The following SPATS2L variants were observed in gnomAD, a reference collection of about 807,000 sequenced individuals.
SPATS2L encodes the protein SPATS2-like protein.
Under a neutral mutation model 59.6 loss-of-function variants are expected in SPATS2L, and 30 were observed. That is an observed-to-expected ratio of 0.50 (90% CI 0.38 to 0.68). SPATS2L has a LOEUF of 0.68. Among genes scored for constraint, SPATS2L ranks in the 30% least tolerant of loss-of-function variants. The pLI, the probability that SPATS2L is intolerant of heterozygous loss-of-function variation, is 0.00. For missense variants in SPATS2L, 615 were observed against 700.0 expected (o/e 0.88, Z 1.37); for synonymous variants, 252 against 263.5 (o/e 0.96, Z 0.42).
intron 10 of SPATS2L, among the ~76,000 whole-genome samples, chr2:200,468,378 A>ACACACACACACACACACG (rs1187268085): frequency 6.6e-6 from 1 of 151,280 alleles, no homozygotes; most frequent in Non-Finnish European, 1.5e-5. Context: ...ACACACACAC[A>ACACACACACACACACACG]CGCCTTCCAG....
chr2:200,388,467 G>A (rs1362094321), intron 2 of SPATS2L, among the ~76,000 whole-genome samples: 1 of 152,108 alleles, frequency 6.6e-6, no homozygotes, highest in Non-Finnish European at 1.5e-5. Flanking sequence ...ACCTACTTGG[G>A]AGGCTGAGGT....
Position 200,407,363 on chromosome 2 carries a change from C to A in SPATS2L, c.40-4948C>A, listed in dbSNP as rs546875755. Among the ~76,000 whole-genome samples, 3 of 152,316 alleles carry A rather than the reference C, an allele frequency of 2.0e-5. No homozygotes were observed. The South Asian group carries it at 6.2e-4, about 32-fold the overall frequency. On this transcript the variant is annotated intron_variant, in intron 3 of 12. Transcript: ENST00000409140. ...GACATTTGGCTCTCTATAAAGTACT[C>A]ACCCTTACTCAGCAAAGTTAATTCC...
intron 2 of SPATS2L, chr2:200,351,373 T>C (rs1305454520): frequency 1.3e-5 from 6 of 455,386 alleles, no homozygotes; most frequent in Admixed American, 2.5e-5. Flanking sequence ...ACTATAGTAA[T>C]ATATTTGCAG....
chr2:200,396,033 AATATAT>A (rs1553520465), intron 3 of SPATS2L, among the ~76,000 whole-genome samples: 8 of 21,136 alleles, frequency 3.8e-4, no homozygotes, highest in East Asian at 4.0e-3. Flanking sequence ...AAAAAAAAAA[AATATAT>A]ATATATATAT....
chr2:200,330,086 T>G (rs2079884379), intron 2 of SPATS2L, among the ~76,000 whole-genome samples: 3 of 150,370 alleles, frequency 2.0e-5, no homozygotes, highest in African/African-American at 4.9e-5. Flanking sequence ...CACTTACTTT[T>G]CTGAGCCTTG....
intron 3 of SPATS2L, among the ~76,000 whole-genome samples, chr2:200,393,546 G>A (rs1166724023): frequency 6.6e-6 from 1 of 152,210 alleles, no homozygotes; most frequent in Non-Finnish European, 1.5e-5. Flanking sequence ...TGGAAGTAGT[G>A]CTTCTCTAAC....
intron 11 of SPATS2L, among the ~76,000 whole-genome samples, chr2:200,471,318 A>G (rs771843348): frequency 4.6e-5 from 7 of 152,080 alleles, no homozygotes; most frequent in Non-Finnish European, 1.0e-4. Context: ...GCCATTCTCT[A>G]TCCCCAGCTT....
chr2:200,356,452 A>AAAC (rs1255458649), intron 2 of SPATS2L, among the ~76,000 whole-genome samples: 1 of 152,228 alleles, frequency 6.6e-6, no homozygotes, highest in Non-Finnish European at 1.5e-5. Flanking sequence ...TCCAAGAAAA[A>AAAC]AACATGTGTT....
At chr2:200,338,008 T>C (rs1005667862) in intron 2 of SPATS2L, among the ~76,000 whole-genome samples, 4 of 152,176 alleles carry the variant, frequency 2.6e-5, no homozygotes, top group African/African-American at 9.6e-5. Flanking sequence ...GAACCAGATA[T>C]ACTCTGAAAC....
chr2:200,458,449 C>A (rs1220638795), intron 8 of SPATS2L, among the ~76,000 whole-genome samples: 1 of 151,920 alleles, frequency 6.6e-6, no homozygotes, highest in African/African-American at 2.4e-5. Context: ...ATCAAGTGTT[C>A]CTCCTAAGAA....
At chr2:200,374,762 A>G (rs296780) in intron 2 of SPATS2L, among the ~76,000 whole-genome samples, 32,658 of 152,156 alleles carry the variant, frequency 0.21, 6,571 homozygotes, top group African/African-American at 0.54. Context: ...AGATGGACCT[A>G]TTTCACCAAA....
At chr2:200,385,570 G>A (rs1161620480) in intron 2 of SPATS2L, among the ~76,000 whole-genome samples, 1 of 152,150 alleles carries the variant, frequency 6.6e-6, no homozygotes, top group Non-Finnish European at 1.5e-5. Flanking sequence ...GTGCTGATTG[G>A]AGGGTGCAGA....
intron 8 of SPATS2L, among the ~76,000 whole-genome samples, chr2:200,456,780 A>T (rs1210131362): frequency 6.6e-6 from 1 of 152,108 alleles, no homozygotes; most frequent in African/African-American, 2.4e-5. Context: ...CTTGTGTCAC[A>T]TGCAGCAGTA....
chr2:200,328,501 A>G (rs1425032121), intron 1 of SPATS2L, among the ~76,000 whole-genome samples: 1 of 152,190 alleles, frequency 6.6e-6, no homozygotes, highest in Non-Finnish European at 1.5e-5. Flanking sequence ...AAGCCCAGAG[A>G]GGTCAGCTGG....
At chr2:200,327,689 A>G (rs758366850) in intron 1 of SPATS2L, among the ~76,000 whole-genome samples, 5 of 152,244 alleles carry the variant, frequency 3.3e-5, no homozygotes, top group African/African-American at 4.8e-5. Context: ...TGTGAAAAGC[A>G]TATTTTAAAA....
rs993935003 is a variant in SPATS2L at position 200,479,870 on chromosome 2, C to T, written c.*1839C>T. On this transcript the variant is annotated 3_prime_UTR_variant, in exon 13 of 13. Coordinates refer to ENST00000409140, the MANE Select transcript of SPATS2L (RefSeq NM_001100423.2). ...CTCTGTAGAGAGCTTTCTGAGGTCT[C>T]TGGGTGTACCCAGAGATTTAATAGA... 2.3e-5 allele frequency: 9 copies of T among 397,648 alleles called. No homozygotes were observed. In the Admixed American group the frequency reaches 2.6e-4, roughly 12 times the overall value. 24.6% of individuals were successfully genotyped at this position (397,648 alleles called of 1,614,324 possible). A position where few individuals can be genotyped will look rare whatever the true frequency, so the allele number is the denominator to read the frequency against.
intron 2 of SPATS2L, chr2:200,351,242 T>C: frequency 2.1e-6 from 1 of 471,414 alleles, no homozygotes; most frequent in Non-Finnish European, 4.4e-6. Flanking sequence ...TCTCAGTGTT[T>C]GTGTTTTTAG....
chr2:200,475,857 TTA>T (rs2087478910), intron 12 of SPATS2L, among the ~76,000 whole-genome samples: 1 of 152,208 alleles, frequency 6.6e-6, no homozygotes, highest in African/African-American at 2.4e-5. Context: ...CAAAAAAGGT[TTA>T]TGTTTATGTT....
chr2:200,365,483 A>G (rs760229414), intron 2 of SPATS2L, among the ~76,000 whole-genome samples: 21 of 152,178 alleles, frequency 1.4e-4, no homozygotes, highest in South Asian at 4.1e-4. Flanking sequence ...TCAGTCTTCA[A>G]AGTCTATACA....
Sources: gnomAD v4.1 joint callset for allele counts (sites outside exome capture counted in the v4.1 genomes callset) on GRCh38, gnomAD v4.1.1 for gene constraint, MANE v1.5 for transcripts, NCBI Gene and HGNC (gene_info 2026-07-23, HGNC 2026-07-21) for gene names.